The following EXOC3 variants were observed in gnomAD, a reference collection of about 807,000 sequenced individuals.
EXOC3 encodes the protein exocyst complex component 3, also known as SEC6-like 1.
Under a neutral mutation model 73.7 loss-of-function variants are expected in EXOC3, and 21 were observed. That is an observed-to-expected ratio of 0.29 (90% CI 0.20 to 0.41). The LOEUF is 0.41. Ranked by LOEUF, EXOC3 falls within the 10% of genes least tolerant of loss-of-function variation. The pLI is 1.00. For missense variants in EXOC3, 842 were observed against 985.1 expected (o/e 0.85, Z 1.95); for synonymous variants, 410 against 389.1 (o/e 1.05, Z -0.63).
chr5:454,329 T>G (rs957983389), intron 4 of EXOC3, among the ~76,000 whole-genome samples: 8 of 152,246 alleles, frequency 5.3e-5, no homozygotes, highest in African/African-American at 1.9e-4. Flanking sequence ...TGGGCCTGTT[T>G]CCTGTGCTCA....
chr5:453,931 A>C lies in EXOC3; in HGVS notation c.926A>C (p.Lys309Thr), dbSNP rs1276727743. The C allele has an allele frequency of 6.2e-7, 1 of 1,614,052 alleles. No homozygotes were observed. The highest frequency in any genetic ancestry group is 1.7e-4 in the Middle Eastern group (1 of 6,060). ...TTTCCTCCCCACTATGAGATCTTTA[A>C]GAACCTCCTGAACATGTACCACCAA... ...QCFPPHYEIF[K>T]NLLNMYHQAL... The change falls in exon 4 of 13, where the codon AAG (lysine) becomes ACG (threonine). Residue 309 changes from lysine (K) to threonine (T), a missense_variant. Physicochemically the swap from Lys to Thr is moderately conservative, Grantham distance 78. Transcript: ENST00000512944.
intron 1 of EXOC3, chr5:444,919 T>C (rs1282294720): frequency 2.4e-5 from 3 of 127,154 alleles, no homozygotes; most frequent in Non-Finnish European, 5.7e-5. Context: ...ATTTTTGTCC[T>C]GTCCAGATTT....
intron 1 of EXOC3, among the ~76,000 whole-genome samples, chr5:445,345 T>A (rs1304314188): frequency 3.8e-5 from 2 of 52,740 alleles, no homozygotes; most frequent in Non-Finnish European, 8.3e-5. Context: ...GACTTTTTCT[T>A]TTTTTTTCTT....
At chr5:455,708 A>C (rs546839084) in intron 4 of EXOC3, among the ~76,000 whole-genome samples, 1 of 152,208 alleles carries the variant, frequency 6.6e-6, no homozygotes, top group African/African-American at 2.4e-5. Context: ...GCTTCACGCC[A>C]TTCTCCTGCC....
In EXOC3 at chr5:459,397, T is replaced by G; in HGVS notation, c.1329T>G (p.Ser443Arg). ...EQNLQVAAQI[S>R]EDLKTKVLVL... ...ATCTTCAAGTTGCTGCTCAGATAAG[T>G]GAAGATTTGAAAACAAAGGTACTAG... The change falls in exon 7 of 13, where the codon AGT becomes AGG. Residue 443 changes from serine to arginine, a missense_variant. Transcript: ENST00000512944. 6.4e-7 allele frequency: 1 copy of G among 1,573,492 alleles called. No homozygotes were observed. Among genetic ancestry groups the G allele is most frequent in the Admixed American group, 1.8e-5 (1 of 54,140 alleles).
At chr5:457,031 A>G in intron 5 of EXOC3, 25 bp downstream of exon 5, 1 of 1,532,384 alleles carries the variant, frequency 6.5e-7, no homozygotes, top group East Asian at 2.3e-5. Context: ...CCTGCGTGCC[A>G]CAGACCACCG....
chr5:466,736 C>T lies in EXOC3; in HGVS notation c.2076C>T (p.His692=). ...ATCTCCCCATCCCCAGGGATGACCA[C>T]ATCGGTGCGCTGCTGGCTGTGCGTG... ...VSKYPDIRDD[H]IGALLAVRGD... is the part of the protein sequence containing the mutation. The change falls in exon 13 of 13, where the codon CAC becomes CAT. Residue 692 remains histidine (H), a synonymous_variant. Transcript: ENST00000512944. 6.2e-7 allele frequency: 1 copy of T among 1,612,646 alleles called. No homozygotes were observed. The highest frequency in any genetic ancestry group is 8.5e-7 in the Non-Finnish European group (1 of 1,179,570).
At chr5:463,070 A>G (rs1738037386) in intron 9 of EXOC3, among the ~76,000 whole-genome samples, 1 of 152,136 alleles carries the variant, frequency 6.6e-6, no homozygotes, top group Non-Finnish European at 1.5e-5. Context: ...GCGCCATTGC[A>G]CTCCAGCCTG....
At chr5:447,230 C>T (rs1257005290) in intron 2 of EXOC3, 2 of 288,280 alleles carry the variant, frequency 6.9e-6, no homozygotes, top group Non-Finnish European at 1.3e-5. Flanking sequence ...GGCCACGGCC[C>T]AGGGCAGACC....
chr5:466,405 C>T (rs1054188777), intron 12 of EXOC3: 5 of 320,624 alleles, frequency 1.6e-5, no homozygotes, highest in Admixed American at 4.6e-5. Flanking sequence ...GCTGCAGCCG[C>T]GTCACCTCCG....
chr5:465,055 G>T, intron 10 of EXOC3, 56 bp from the exon 11 acceptor site: 3 of 1,482,968 alleles, frequency 2.0e-6, no homozygotes, highest in South Asian at 1.3e-5. Context: ...TTCAATGAGG[G>T]TGCTCCTGGC....
intron 4 of EXOC3, among the ~76,000 whole-genome samples, chr5:456,238 A>T (rs1414843881): frequency 6.6e-6 from 1 of 152,226 alleles, no homozygotes; most frequent in Non-Finnish European, 1.5e-5. Context: ...CATGCTCTAA[A>T]TCATTTCTAG....
intron 3 of EXOC3, among the ~76,000 whole-genome samples, chr5:448,829 G>C (rs78562237): frequency 6.6e-6 from 1 of 152,200 alleles, no homozygotes; most frequent in Non-Finnish European, 1.5e-5. Flanking sequence ...TTCTTCCAGG[G>C]CATGATCCGT....
At position 446,267 on chromosome 5, in the gene EXOC3, A is replaced by G. The variant is rs779012571; in HGVS notation, c.62A>G (p.Gln21Arg). The G allele has an allele frequency of 6.2e-7, 1 of 1,614,022 alleles. No individual in the cohort carries two copies. Among genetic ancestry groups the G allele is most frequent in the South Asian group, 1.1e-5 (1 of 91,080 alleles). Residue 21 changes from glutamine (Q) to arginine (R), a missense_variant, in exon 2 of 13, where the codon CAG becomes CGG. Transcript: ENST00000512944. ...GTGCAAAGGGTTGCTGGGATGCTCC[A>G]GCGCCCGGACCAGCTGGACAAGGTG... is the stretch of plus-strand genomic sequence containing the variant. ...TAVQRVAGML[Q>R]RPDQLDKVEQ...
chr5:446,835 C>T (rs551295554), intron 2 of EXOC3, among the ~76,000 whole-genome samples: 1 of 135,532 alleles, frequency 7.4e-6, no homozygotes, highest in East Asian at 2.0e-4. Context: ...CCAGCCTGGG[C>T]AACAGAGTGA....
At chr5:455,236 C>T (rs1479295492) in intron 4 of EXOC3, among the ~76,000 whole-genome samples, 1 of 152,262 alleles carries the variant, frequency 6.6e-6, no homozygotes, top group Non-Finnish European at 1.5e-5. Context: ...GGATTCCAGT[C>T]CCATCCCTGG....
chr5:462,583 T>C (rs1738022705), intron 9 of EXOC3: 4 of 423,876 alleles, frequency 9.4e-6, no homozygotes, highest in East Asian at 3.9e-5. Context: ...GAAACCGATA[T>C]GTAGGGACCT....
intron 1 of EXOC3, among the ~76,000 whole-genome samples, chr5:444,564 A>G (rs187724005): frequency 6.7e-6 from 1 of 149,702 alleles, no homozygotes; most frequent in Admixed American, 6.7e-5. Context: ...ATAATGTCCA[A>G]ACAAAATAAG....
chr5:464,712 T>A, intron 10 of EXOC3: 1 of 405,040 alleles, frequency 2.5e-6, no homozygotes, highest in South Asian at 2.7e-5. Context: ...CAGGGATTTC[T>A]TTCCGCTTCA....
Sources: gnomAD v4.1 joint callset for allele counts (sites outside exome capture counted in the v4.1 genomes callset) on GRCh38, gnomAD v4.1.1 for gene constraint, MANE v1.5 for transcripts, NCBI Gene and HGNC (gene_info 2026-07-23, HGNC 2026-07-21) for gene names.